PRRC2B: variants seen among roughly 807,000 people sequenced by gnomAD.
The protein encoded by PRRC2B is proline rich coiled-coil 2B.
A neutral mutation model predicts 242.3 loss-of-function variants in PRRC2B; 68 were observed. The observed-to-expected ratio is 0.28, with a 90% CI of 0.23 to 0.34. PRRC2B has a LOEUF of 0.34. Among genes scored for constraint, PRRC2B ranks in the 10% least tolerant of loss-of-function variants. The probability of loss-of-function intolerance (pLI) is 1.00; values close to 1 mark genes in which losing one functional copy is unlikely to be tolerated. For missense variants in PRRC2B, 2,835 were observed against 2,954.8 expected, an observed-to-expected ratio of 0.96 and a Z score of 0.94; for synonymous variants, 1,228 against 1,173.6, an observed-to-expected ratio of 1.05 and a Z score of -0.95.
chr9:131,429,672 T>C (rs1432495765), intron 1 of PRRC2B, among the ~76,000 whole-genome samples: 1 of 152,220 alleles, frequency 6.6e-6, no homozygotes, highest in Non-Finnish European at 1.5e-5. Context: ...GTACCTCCCC[T>C]ATTCTGCTAG....
chr9:131,475,502 A>C lies in PRRC2B; in HGVS notation c.3373A>C (p.Lys1125Gln). 1 of 1,607,098 alleles carries C rather than the reference A, an allele frequency of 6.2e-7. No homozygotes were observed. The highest frequency in any genetic ancestry group is 8.5e-7 in the Non-Finnish European group (1 of 1,176,558). Residue 1125 changes from lysine to glutamine, a missense_variant, in exon 16 of 32, where the codon AAG becomes CAG. Physicochemically the swap from Lys to Gln is moderately conservative, Grantham distance 53. Transcript: ENST00000683519. Reference protein sequence around the residue: ...FARPEDCPRAKPRRRVASETH... With the variant: ...FARPEDCPRAQPRRRVASETH... ...GCGGCCAGAGGACTGCCCCAGAGCC[A>C]AGCCCCGACGGAGAGTTGCCAGTGA...
rs748222870 is a variant in PRRC2B, at chr9:131,475,865, G to A, written c.3736G>A (p.Gly1246Arg). The change falls in exon 16 of 32, where the codon GGA (glycine) becomes AGA (arginine). Residue 1246 changes from glycine to arginine, a missense_variant. This residue lies in a region of PRRC2B where 1,536 missense variants were observed against 1,483.1 expected (regional missense o/e 1.04). Transcript: ENST00000683519. ...WQEYGPSDTC[G>R]SRRPTDRDYV... ...GGAATATGGCCCTTCCGACACATGC[G>A]GATCCCGGCGACCTACAGACAGAGA... is the stretch of plus-strand genomic sequence containing the variant. 14 of 1,613,672 alleles carry A rather than the reference G, an allele frequency of 8.7e-6. No homozygotes were observed. The highest frequency in any genetic ancestry group is 6.7e-5 in the East Asian group (3 of 44,848).
At chr9:131,476,802 G>A (rs936887598) in intron 16 of PRRC2B, among the ~76,000 whole-genome samples, 1 of 151,232 alleles carries the variant, frequency 6.6e-6, no homozygotes, top group Non-Finnish European at 1.5e-5. Flanking sequence ...CCAGTCATGT[G>A]TCCCTGGAGC....
chr9:131,427,810 T>TA (rs1162065886), intron 1 of PRRC2B, among the ~76,000 whole-genome samples: 1 of 152,230 alleles, frequency 6.6e-6, no homozygotes, highest in Non-Finnish European at 1.5e-5. Context: ...GAATTATAGT[T>TA]GTTGCCATTA....
chr9:131,392,073 T>C (rs1379629557), upstream of PRRC2B, among the ~76,000 whole-genome samples: 2 of 150,624 alleles, frequency 1.3e-5, no homozygotes, highest in African/African-American at 4.9e-5. Context: ...TTCAGATAGT[T>C]TATTTCTTTT....
Position 131,475,351 on chromosome 9 carries a change from C to T in PRRC2B, c.3222C>T (p.Phe1074=), listed in dbSNP as rs1299092583. ...ARGRGRGFRE[F]TFRGRPAGGN... ...GCCGGGGCCGTGGTTTCAGAGAGTT[C>T]ACTTTTCGTGGTCGGCCTGCTGGCG... is the stretch of plus-strand genomic sequence containing the variant. The change falls in exon 16 of 32, where the codon TTC becomes TTT. Residue 1074 remains phenylalanine, a synonymous_variant. Transcript: ENST00000683519. 1 of 1,587,434 alleles carries T rather than the reference C, an allele frequency of 6.3e-7. No homozygotes were observed. Among genetic ancestry groups the T allele is most frequent in the Non-Finnish European group, 8.6e-7 (1 of 1,167,840 alleles).
intron 9 of PRRC2B, among the ~76,000 whole-genome samples, chr9:131,453,193 C>G (rs181726008): frequency 2.0e-4 from 31 of 152,288 alleles, no homozygotes; most frequent in Non-Finnish European, 3.1e-4. Context: ...ATCTTGCAGT[C>G]TGTTTTGTCC....
At chr9:131,417,836 G>A (rs1189634570) in intron 1 of PRRC2B, among the ~76,000 whole-genome samples, 4 of 152,188 alleles carry the variant, frequency 2.6e-5, no homozygotes, top group African/African-American at 9.6e-5. Context: ...ATGTACACGG[G>A]TGTGGGAGTA....
intron 1 of PRRC2B, among the ~76,000 whole-genome samples, chr9:131,415,749 T>C (rs1837630936): frequency 6.6e-6 from 1 of 152,174 alleles, no homozygotes; most frequent in South Asian, 2.1e-4. Flanking sequence ...CTGGGAACTT[T>C]TTTGCAAGAG....
At chr9:131,403,167 A>G (rs997746958) in intron 1 of PRRC2B, among the ~76,000 whole-genome samples, 8 of 152,052 alleles carry the variant, frequency 5.3e-5, no homozygotes, top group African/African-American at 1.9e-4. Context: ...CCTGTCTGGG[A>G]GGGGCATCAT....
rs2131464320 is a variant in PRRC2B at position 131,482,970 on chromosome 9, C to T, written c.5373+63C>T. 6.5e-7 allele frequency: 1 copy of T among 1,531,414 alleles called. No homozygotes were observed. The highest frequency in any genetic ancestry group is 8.9e-7 in the Non-Finnish European group (1 of 1,129,904). The allele number at this position is 1,531,414 out of a possible 1,614,324, so 94.9% of individuals were successfully genotyped here. On this transcript the variant is annotated intron_variant, in intron 22 of 31. Transcript: ENST00000683519. This position sits in a 1 kb window ranked among gnomAD's most constrained non-coding sequence, Gnocchi z 5.2. Reference sequence around the variant, plus strand: ...CTTTTTATTTTGGTACTTGGAGAGGCTGGGGGCTCAGATGGGATTGTCTCC... The same window carrying T: ...CTTTTTATTTTGGTACTTGGAGAGGTTGGGGGCTCAGATGGGATTGTCTCC...
rs1944416084 is a variant in PRRC2B, at chr9:131,499,640, T to A, written c.*3766T>A. The A allele has an allele frequency of 6.6e-6, 1 of 151,958 alleles. No homozygotes were observed. Among genetic ancestry groups the A allele is most frequent in the South Asian group, 2.1e-4 (1 of 4,816 alleles). 9.4% of individuals were successfully genotyped at this position (151,958 alleles called of 1,614,324 possible). A position where few individuals can be genotyped will look rare whatever the true frequency, so the allele number is the denominator to read the frequency against. ...CCACCAATGTGTAGTTGGCTGGTGG[T>A]CTTCGGGCATGTGAGACCTGCTCTT... On this transcript the variant is annotated 3_prime_UTR_variant, in exon 32 of 32. Transcript: ENST00000683519.
Position 131,488,048 on chromosome 9 carries a change from G to A in PRRC2B, c.6177G>A (p.Gln2059=), listed in dbSNP as rs1245907423. The A allele has an allele frequency of 1.2e-6, 2 of 1,613,368 alleles. No individual in the cohort carries two copies. The highest frequency in any genetic ancestry group is 1.7e-6 in the Non-Finnish European group (2 of 1,179,638). Residue 2059 remains glutamine (Q), a synonymous_variant, in exon 28 of 32, where the codon CAG becomes CAA. Transcript: ENST00000683519. ...QALVYEGQLS[Q]AAGLGASQML... ...TGGTCTACGAGGGCCAGCTCAGCCA[G>A]GCTGCTGGCCTGGGTGCCTCCCAGA...
chr9:131,495,856 G>T lies in PRRC2B; in HGVS notation c.6672G>T (p.Val2224=). Residue 2224 remains valine, a synonymous_variant, in exon 32 of 32, where the codon GTG becomes GTT. Coordinates refer to ENST00000683519, the MANE Select transcript of PRRC2B (RefSeq NM_013318.4). ...CGATCAAGCCTCGGGCTGTCAAAGT[G>T]GAGGAGAGTAAGGCCTGACAGTGCC... ...TGAIKPRAVK[V]EESKA 3 of 1,609,194 alleles carry T rather than the reference G, an allele frequency of 1.9e-6. No individual in the cohort carries two copies. Among genetic ancestry groups the T allele is most frequent in the Non-Finnish European group, 2.6e-6 (3 of 1,176,208 alleles).
At chr9:131,469,613 C>T (rs992172730) in intron 13 of PRRC2B, among the ~76,000 whole-genome samples, 5 of 152,142 alleles carry the variant, frequency 3.3e-5, no homozygotes, top group African/African-American at 1.2e-4. Context: ...AGGTTGGCCG[C>T]CTTTTTGTTT....
chr9:131,443,735 C>T (rs534047173), intron 5 of PRRC2B, among the ~76,000 whole-genome samples: 2 of 152,300 alleles, frequency 1.3e-5, no homozygotes, highest in South Asian at 4.1e-4. Context: ...CAGGCAAAAG[C>T]AGCATCTTAA....
chr9:131,384,068 C>T (rs1419531095), intron 1 of PRRC2B, among the ~76,000 whole-genome samples: 1 of 148,194 alleles, frequency 6.7e-6, no homozygotes. Context: ...CAGGCACGTA[C>T]CACCATACCC....
intron 1 of PRRC2B, among the ~76,000 whole-genome samples, chr9:131,380,158 A>G (rs1588232465): frequency 2.0e-5 from 3 of 151,190 alleles, no homozygotes; most frequent in East Asian, 2.0e-4. Context: ...ACGCCCAGCT[A>G]ATTTTGTGGA....
At chr9:131,448,698 C>T (rs915206659) in intron 9 of PRRC2B, among the ~76,000 whole-genome samples, 1 of 151,702 alleles carries the variant, frequency 6.6e-6, no homozygotes, top group Non-Finnish European at 1.5e-5. Flanking sequence ...TGGAACTACA[C>T]GCGGGTGCCA....
Sources: allele counts gnomAD v4.1 joint callset (sites outside exome capture counted in the v4.1 genomes callset), GRCh38; gene constraint gnomAD v4.1.1; regional missense constraint gnomAD v4.1.1; non-coding constraint Gnocchi (gnomAD v3.1); transcripts MANE v1.5; gene names NCBI Gene and HGNC (gene_info 2026-07-23, HGNC 2026-07-21).